Variants in IMMP1L observed in about 807,000 individuals in gnomAD.
The protein encoded by IMMP1L is mitochondrial inner membrane protease subunit 1.
A neutral mutation model predicts 21.8 loss-of-function variants in IMMP1L; 24 were observed. The ratio of observed to expected loss-of-function variants is 1.10; its 90% CI spans 0.80 to 1.55. The LOEUF (loss-of-function observed/expected upper bound fraction) is 1.55, where lower values mean the gene tolerates loss of function less well. IMMP1L is among the 40% of genes most tolerant of loss of function. The pLI is 0.00. For missense variants in IMMP1L, 195 were observed against 200.7 expected (o/e 0.97, Z 0.17); for synonymous variants, 46 against 62.8 (o/e 0.73, Z 1.26).
At chr11:31,487,645 A>G (rs1955127006) in intron 1 of IMMP1L, among the ~76,000 whole-genome samples, 1 of 152,176 alleles carries the variant, frequency 6.6e-6, no homozygotes. Context: ...GGGCAGTTTT[A>G]GATATTTTCT....
At chr11:31,491,939 C>G (rs919503231) in intron 1 of IMMP1L, among the ~76,000 whole-genome samples, 2 of 152,198 alleles carry the variant, frequency 1.3e-5, no homozygotes, top group Non-Finnish European at 2.9e-5. Context: ...CTTTGTTGTT[C>G]TGTCTATAAA....
chr11:31,452,293 GGA>G (rs1953782860), intron 4 of IMMP1L: 1 of 982,976 alleles, frequency 1.0e-6, no homozygotes, highest in Non-Finnish European at 1.2e-6. Flanking sequence ...GCATAGTCCT[GGA>G]TTATCACACA....
chr11:31,445,922 A>C (rs1342191356), intron 4 of IMMP1L, among the ~76,000 whole-genome samples: 1 of 152,238 alleles, frequency 6.6e-6, no homozygotes, highest in Non-Finnish European at 1.5e-5. Context: ...GACTATGGAC[A>C]TCAAGGAGGG....
chr11:31,502,503 G>C (rs1252410643), intron 1 of IMMP1L, among the ~76,000 whole-genome samples: 6 of 152,124 alleles, frequency 3.9e-5, no homozygotes. Flanking sequence ...CTTTAGAGAG[G>C]AGCTTCAGGA....
At position 31,501,401 on chromosome 11, in the gene IMMP1L, C is replaced by G. The variant is rs527715905; in HGVS notation, c.-30+8118G>C. 3.0e-4 allele frequency among the ~76,000 whole-genome samples: 45 copies of G among 152,254 alleles called. 1 individual carries two copies. The highest frequency in any genetic ancestry group is 2.7e-3 in the South Asian group (13 of 4,822). ...ATGAAAATTATAAATGAGATTGAGG[C>G]TGAGAGTTGACTCTTGTTCTCTCTT... On this transcript the variant is annotated intron_variant, in intron 1 of 5. Coordinates refer to ENST00000532287, the MANE Select transcript of IMMP1L (RefSeq NM_001304274.2).
Position 31,509,519 on chromosome 11 carries a change from C to G in IMMP1L, c.-30G>C, listed in dbSNP as rs1955927432. On this transcript the variant is annotated splice_region_variant and 5_prime_UTR_variant, in exon 1 of 6. Coordinates refer to ENST00000532287, the MANE Select transcript of IMMP1L (RefSeq NM_001304274.2). Reference sequence around the variant, plus strand: ...AAGAACGTTACGTGATATTACCTACCTCGGGCCCCAAAGAACCCTGGAGAC... The same window carrying G: ...AAGAACGTTACGTGATATTACCTACGTCGGGCCCCAAAGAACCCTGGAGAC... 1 of 537,864 alleles carries G rather than the reference C, an allele frequency of 1.9e-6. No individual in the cohort carries two copies. The highest frequency in any genetic ancestry group is 3.1e-5 in the East Asian group (1 of 32,064). 33.3% of individuals were successfully genotyped at this position (537,864 alleles called of 1,614,324 possible).
rs79878807 is a variant in IMMP1L, at chr11:31,489,400, T to C, written c.-30+20119A>G. Among the ~76,000 whole-genome samples, 629 of 152,254 alleles carry C rather than the reference T, an allele frequency of 4.1e-3. 3 individuals are homozygous for C. Among genetic ancestry groups the C allele is most frequent in the African/African-American group, 0.014 (600 of 41,540 alleles). ...TTAATACATAACATTTACTTGAAAT[T>C]TAATACGTAAAATGATTCCTATTTT... On this transcript the variant is annotated intron_variant, in intron 1 of 5. Coordinates refer to ENST00000532287, the MANE Select transcript of IMMP1L (RefSeq NM_001304274.2).
intron 4 of IMMP1L, chr11:31,452,935 A>G: frequency 5.9e-6 from 4 of 673,598 alleles, no homozygotes; most frequent in South Asian, 5.7e-5. Flanking sequence ...CATTTTTAGC[A>G]GAGACAGGGT....
chr11:31,432,500 C>G lies in IMMP1L; in HGVS notation c.501G>C (p.Ter167TyrextTer1). 6.2e-7 allele frequency: 1 copy of G among 1,607,180 alleles called. No homozygotes were observed. The highest frequency in any genetic ancestry group is 8.5e-7 in the Non-Finnish European group (1 of 1,174,646). Residue 167 changes from the stop codon to tyrosine (Y), a stop_lost, in exon 6 of 6, where the codon TAG becomes TAC. Transcript: ENST00000532287. ...SPNGHRFSDD[*>Y] Reference sequence around the variant, plus strand: ...ATCAAGTCAAAAGAATAAATGCTTACTAATCATCAGAAAATCTGTGGCCAT... The same window carrying G: ...ATCAAGTCAAAAGAATAAATGCTTAGTAATCATCAGAAAATCTGTGGCCAT...
chr11:31,447,351 G>A (rs1472343327), intron 4 of IMMP1L, among the ~76,000 whole-genome samples: 2 of 152,194 alleles, frequency 1.3e-5, no homozygotes, highest in African/African-American at 2.4e-5. Context: ...TCTGGGGTCA[G>A]AAGTCCATTA....
chr11:31,484,337 C>A (rs1031171326), intron 1 of IMMP1L, among the ~76,000 whole-genome samples: 10 of 151,676 alleles, frequency 6.6e-5, no homozygotes, highest in Admixed American at 2.0e-4. Flanking sequence ...TGGTTTTATT[C>A]CCCTCCCAAT....
chr11:31,507,718 G>A (rs1357563219), intron 1 of IMMP1L, among the ~76,000 whole-genome samples: 2 of 152,078 alleles, frequency 1.3e-5, no homozygotes, highest in South Asian at 2.1e-4. Flanking sequence ...AGTTAGATAG[G>A]AGGAATAAAT....
intron 1 of IMMP1L, among the ~76,000 whole-genome samples, chr11:31,483,637 T>C (rs1954975114): frequency 6.6e-6 from 1 of 151,990 alleles, no homozygotes; most frequent in Non-Finnish European, 1.5e-5. Context: ...ACTGAAGATT[T>C]GCCTTTATAT....
In IMMP1L at chr11:31,449,826, G is replaced by A. The variant is rs76919738; in HGVS notation, c.321+6434C>T. Among the ~76,000 whole-genome samples the A allele has an allele frequency of 3.2e-3, 493 of 152,256 alleles. 1 individual carries two copies. The highest frequency in any genetic ancestry group is 0.011 in the African/African-American group (448 of 41,542). On this transcript the variant is annotated intron_variant, in intron 4 of 5. Coordinates refer to ENST00000532287, the MANE Select transcript of IMMP1L (RefSeq NM_001304274.2). Reference sequence around the variant, plus strand: ...CAAAAACCTTTAAATTAAATAGCCAGATATCTTTGGTAGCCCTCAGATAAA... The same window carrying A: ...CAAAAACCTTTAAATTAAATAGCCAAATATCTTTGGTAGCCCTCAGATAAA...
At chr11:31,483,150 G>C (rs141944712) in intron 1 of IMMP1L, among the ~76,000 whole-genome samples, 207 of 152,050 alleles carry the variant, frequency 1.4e-3, no homozygotes, top group African/African-American at 4.6e-3. Flanking sequence ...ATCCTTGTTG[G>C]GGGAGGGGGC....
At chr11:31,464,683 A>G (rs1273538213) in intron 1 of IMMP1L, among the ~76,000 whole-genome samples, 1 of 152,224 alleles carries the variant, frequency 6.6e-6, no homozygotes, top group Non-Finnish European at 1.5e-5. Flanking sequence ...AATGAAGAAC[A>G]AAAACCATAC....
At chr11:31,482,594 A>G (rs1036780979) in intron 1 of IMMP1L, among the ~76,000 whole-genome samples, 4 of 152,072 alleles carry the variant, frequency 2.6e-5, no homozygotes, top group African/African-American at 2.4e-5. Context: ...ATACATATGA[A>G]AAAGTACTCA....
chr11:31,463,994 A>C (rs1324405650), intron 1 of IMMP1L, among the ~76,000 whole-genome samples: 1 of 152,162 alleles, frequency 6.6e-6, no homozygotes, highest in African/African-American at 2.4e-5. Context: ...AATATTGTTC[A>C]TCTAAAATAT....
intron 4 of IMMP1L, among the ~76,000 whole-genome samples, chr11:31,451,705 G>A (rs1953764226): frequency 6.6e-6 from 1 of 152,146 alleles, no homozygotes; most frequent in Non-Finnish European, 1.5e-5. Context: ...CTGGAGTTCA[G>A]GGAAGAGGTT....
Sources: allele counts gnomAD v4.1 joint callset (sites outside exome capture counted in the v4.1 genomes callset), GRCh38; gene constraint gnomAD v4.1.1; transcripts MANE v1.5; gene names NCBI Gene and HGNC (gene_info 2026-07-23, HGNC 2026-07-21).